Variants in EP400 observed in about 807,000 individuals in gnomAD.
The protein encoded by EP400 is E1A-binding protein p400.
In EP400, 105 loss-of-function variants were observed where a neutral mutation model predicts 354.1. That is an observed-to-expected ratio of 0.30 (90% CI 0.25 to 0.35). The LOEUF (loss-of-function observed/expected upper bound fraction) is 0.35, where lower values mean the gene tolerates loss of function less well. Among genes scored for constraint, EP400 ranks in the 10% least tolerant of loss-of-function variants. The pLI is 1.00. For missense variants in EP400, 3,280 were observed against 4,121.0 expected (o/e 0.80, Z 5.59); for synonymous variants, 1,646 against 1,716.9 (o/e 0.96, Z 1.02).
chr12:132,027,348 G>A lies in EP400; in HGVS notation c.5015-89G>A, dbSNP rs2136551510. ...TGACTTTCTGTGGAGTGTGCTGGTG[G>A]AGGGTGAGGTTCCATGGAGCATGCT... On this transcript the variant is annotated intron_variant, in intron 25 of 52. Transcript: ENST00000389561. This position sits in a 1 kb window ranked among gnomAD's most constrained non-coding sequence, Gnocchi z 4.9. The A allele has an allele frequency of 1.5e-6, 2 of 1,298,194 alleles. No homozygotes were observed. Among genetic ancestry groups the A allele is most frequent in the Non-Finnish European group, 2.2e-6 (2 of 900,324 alleles). The allele number at this position is 1,298,194 out of a possible 1,614,324, so 80.4% of individuals were successfully genotyped here. A position where few individuals can be genotyped will look rare whatever the true frequency, so the allele number is the denominator to read the frequency against.
chr12:131,951,726 C>CGA (rs1224435330), intron 1 of EP400, among the ~76,000 whole-genome samples: 4 of 151,974 alleles, frequency 2.6e-5, no homozygotes, highest in African/African-American at 9.7e-5. Flanking sequence ...CTCAGCATCC[C>CGA]GAGTAGCTGG....
rs778730154 is a variant in EP400 at position 132,062,587 on chromosome 12, G to GCAGCAGCAGCAA, written c.8225_8226insGCAGCAACAGCA (p.Gln2745_Gln2748dup). 6 of 1,596,866 alleles carry GCAGCAGCAGCAA rather than the reference G, an allele frequency of 3.8e-6. No homozygotes were observed. The African/African-American group carries it at 6.9e-5, about 18-fold the overall frequency. The stretch of plus-strand genomic sequence containing the variant: ...AGCAGCAGCAGCAGCAGCAGCAGCA[G>GCAGCAGCAGCAA]CAGCAACAGCAGCAGCAGCAACAGA... On this transcript the variant is annotated inframe_insertion, in exon 47 of 53. Transcript: ENST00000389561.
At chr12:132,069,360 G>GTA (rs1397035058) in intron 50 of EP400, 135 bp from the exon 51 acceptor site, 2 of 1,242,108 alleles carry the variant, frequency 1.6e-6, no homozygotes, top group Non-Finnish European at 1.1e-6. Context: ...GGAGATGTGG[G>GTA]TATGCACAGG....
intron 30 of EP400, among the ~76,000 whole-genome samples, chr12:132,035,685 G>A (rs892027089): frequency 3.6e-4 from 52 of 142,962 alleles, no homozygotes; most frequent in African/African-American, 1.4e-3. Context: ...CACACAGAAC[G>A]TCATGGAAGG....
Position 132,070,887 on chromosome 12 carries a change from G to GT in EP400, c.9021+1252dup, listed in dbSNP as rs1250188492. ...GGCTGTTGTACATTTTTGTACATTA[G>GT]TTTTTTATTCTGGCCGCCTTGCTAG... On this transcript the variant is annotated intron_variant, in intron 51 of 52. Transcript: ENST00000389561. The surrounding 1 kb of genome is among the most constrained non-coding windows in gnomAD (Gnocchi z 4.1). Among the ~76,000 whole-genome samples the GT allele has an allele frequency of 6.6e-6, 1 of 152,098 alleles. No individual in the cohort carries two copies. Among genetic ancestry groups the GT allele is most frequent in the African/African-American group, 2.4e-5 (1 of 41,396 alleles).
chr12:132,076,705 A>T, intron 52 of EP400, 112 bp downstream of exon 52: 1 of 953,116 alleles, frequency 1.0e-6, no homozygotes, highest in Non-Finnish European at 1.6e-6. Context: ...ATACACACAA[A>T]AACATTAACT....
rs1167606195 is a variant in EP400, at chr12:131,987,827, G to A, written c.2346G>A (p.Glu782=). The A allele has an allele frequency of 9.9e-6, 16 of 1,613,586 alleles. No individual in the cohort carries two copies. The highest frequency in any genetic ancestry group is 1.4e-5 in the Non-Finnish European group (16 of 1,179,916). The change falls in exon 7 of 53, where the codon GAG becomes GAA. Residue 782 remains glutamate (E), a synonymous_variant. Coordinates refer to ENST00000389561, the MANE Select transcript of EP400 (RefSeq NM_015409.5). ...PKSHWDYLLE[E]MQWMATDFAQ... ...CCCACTGGGACTATCTGCTGGAGGA[G>A]ATGCAGTGGATGGCCACAGACTTTG...
In EP400 at chr12:132,006,076, A is replaced by G. The variant is rs188268696; in HGVS notation, c.2936-36A>G. ...AGGTTTAGATTTATAAAGCCTTCTC[A>G]GTGGCCCTCACTTCTCTGTTTTATT... On this transcript the variant is annotated intron_variant, in intron 13 of 52. Coordinates refer to ENST00000389561, the MANE Select transcript of EP400 (RefSeq NM_015409.5). 9.5e-6 allele frequency: 15 copies of G among 1,579,594 alleles called. No homozygotes were observed. The East Asian group carries it at 3.2e-4, about 33-fold the overall frequency.
chr12:131,997,473 C>G (rs1893253890), intron 12 of EP400, among the ~76,000 whole-genome samples: 1 of 151,986 alleles, frequency 6.6e-6, no homozygotes, highest in Non-Finnish European at 1.5e-5. Flanking sequence ...TCAGGCTAGT[C>G]TCAAACTCCT....
chr12:132,013,006 C>T lies in EP400; in HGVS notation c.3442-3C>T. 1 of 1,606,066 alleles carries T rather than the reference C, an allele frequency of 6.2e-7. No individual in the cohort carries two copies. Among genetic ancestry groups the T allele is most frequent in the Non-Finnish European group, 8.5e-7 (1 of 1,175,468 alleles). ...GCACTGAGCTGTCCTCTCTGTGCTG[C>T]AGGAGTGGGCCGAACCCAACAGCTT... is the stretch of plus-strand genomic sequence containing the variant. On this transcript the variant is annotated splice_region_variant and splice_polypyrimidine_tract_variant and intron_variant, in intron 16 of 52. Transcript: ENST00000389561. This position sits in a 1 kb window ranked among gnomAD's most constrained non-coding sequence, Gnocchi z 4.5.
chr12:131,964,179 A>G (rs1222958263), intron 2 of EP400, among the ~76,000 whole-genome samples: 2 of 152,222 alleles, frequency 1.3e-5, no homozygotes, highest in East Asian at 1.9e-4. Flanking sequence ...AGTAATGCCA[A>G]TAATTTAAAA....
intron 11 of EP400, among the ~76,000 whole-genome samples, chr12:131,993,893 CTT>C (rs1893123634): frequency 6.6e-6 from 1 of 152,314 alleles, no homozygotes; most frequent in East Asian, 1.9e-4. Context: ...TTGAAACAGA[CTT>C]TTATTTGACT....
Position 132,044,728 on chromosome 12 carries a change from C to A in EP400, c.6630+13C>A. On this transcript the variant is annotated intron_variant, in intron 36 of 52. Coordinates refer to ENST00000389561, the MANE Select transcript of EP400 (RefSeq NM_015409.5). ...AGAAGTCATGCCGGTGAGTGCTGCCCTCTCCCTTTGTGTCTGTGTGGGCAG... is the reference window on the plus strand; with the variant it reads ...AGAAGTCATGCCGGTGAGTGCTGCCATCTCCCTTTGTGTCTGTGTGGGCAG... The A allele has an allele frequency of 1.2e-6, 2 of 1,614,204 alleles. No individual in the cohort carries two copies. Among genetic ancestry groups the A allele is most frequent in the Non-Finnish European group, 8.5e-7 (1 of 1,180,046 alleles).
At chr12:131,951,109 G>A (rs1394366127) in intron 1 of EP400, among the ~76,000 whole-genome samples, 1 of 145,566 alleles carries the variant, frequency 6.9e-6, no homozygotes, top group African/African-American at 2.6e-5. Flanking sequence ...GTAGAGACGG[G>A]GTTTCATCAT....
In EP400 at chr12:132,044,846, T is replaced by G; in HGVS notation, c.6677T>G (p.Leu2226Arg). Residue 2226 changes from leucine to arginine, a missense_variant, in exon 37 of 53, where the codon CTC (leucine) becomes CGC (arginine). Leu to Arg is a moderately radical substitution (Grantham distance 102). Transcript: ENST00000389561. ...CCGCAGGACGACAGCGACATCTACC[T>G]CGACTCGGTCATGTGTCTCATGTAT... Reference protein sequence around the residue: ...TPPQDDSDIYLDSVMCLMYEA... With the variant: ...TPPQDDSDIYRDSVMCLMYEA... The G allele has an allele frequency of 6.2e-7, 1 of 1,614,074 alleles. No individual in the cohort carries two copies. Among genetic ancestry groups the G allele is most frequent in the South Asian group, 1.1e-5 (1 of 91,080 alleles).
rs1896046373 is a variant in EP400, at chr12:132,070,866, G to A, written c.9021+1225G>A. ...TAATTTCCATTTTCTGTCTCTGGCT[G>A]TTGTACATTTTTGTACATTAGTTTT... is the stretch of plus-strand genomic sequence containing the variant. On this transcript the variant is annotated intron_variant, in intron 51 of 52. Coordinates refer to ENST00000389561, the MANE Select transcript of EP400 (RefSeq NM_015409.5). The surrounding 1 kb of genome is among the most constrained non-coding windows in gnomAD (Gnocchi z 4.1). Among the ~76,000 whole-genome samples, 1 of 152,152 alleles carries A rather than the reference G, an allele frequency of 6.6e-6. No homozygotes were observed. Among genetic ancestry groups the A allele is most frequent in the African/African-American group, 2.4e-5 (1 of 41,436 alleles).
intron 10 of EP400, 128 bp from the exon 11 acceptor site, chr12:131,992,045 G>C: frequency 1.1e-6 from 1 of 905,398 alleles, no homozygotes. Context: ...ACCCCAAATG[G>C]AGGCTGAGGG....
chr12:132,030,313 C>T (rs1894446599), intron 29 of EP400, among the ~76,000 whole-genome samples, 155 bp downstream of exon 29: 1 of 152,120 alleles, frequency 6.6e-6, no homozygotes, highest in Non-Finnish European at 1.5e-5. Flanking sequence ...ATCCATCCTT[C>T]GATATTTTTT....
rs1413380342 is a variant in EP400 at position 132,017,527 on chromosome 12, A to G, written c.3924-8A>G. On this transcript the variant is annotated splice_polypyrimidine_tract_variant and splice_region_variant and intron_variant, in intron 19 of 52. Transcript: ENST00000389561. The surrounding 1 kb of genome is among the most constrained non-coding windows in gnomAD (Gnocchi z 5.0). ...TTGAATGCTTCGTGTTTCTTTCTCCACGGGCAGCACTCAGGAGGCCTTGAA... is the reference window on the plus strand; with the variant it reads ...TTGAATGCTTCGTGTTTCTTTCTCCGCGGGCAGCACTCAGGAGGCCTTGAA... 6.2e-7 allele frequency: 1 copy of G among 1,613,168 alleles called. No individual in the cohort carries two copies. Among genetic ancestry groups the G allele is most frequent in the Admixed American group, 1.7e-5 (1 of 59,846 alleles).
Sources: gnomAD v4.1 joint callset for allele counts (sites outside exome capture counted in the v4.1 genomes callset) on GRCh38, gnomAD v4.1.1 for gene constraint, Gnocchi (gnomAD v3.1) non-coding constraint, MANE v1.5 for transcripts, NCBI Gene and HGNC (gene_info 2026-07-23, HGNC 2026-07-21) for gene names.